The following ERC1 variants were observed in gnomAD, a reference collection of about 807,000 sequenced individuals.
ERC1 encodes ELKS/RAB6-interacting/CAST family member 1.
A neutral mutation model predicts 132.0 loss-of-function variants in ERC1; 56 were observed. That is an observed-to-expected ratio of 0.42 (90% confidence interval 0.34 to 0.53). The LOEUF is 0.53. Ranked by LOEUF, ERC1 falls within the 20% of genes least tolerant of loss-of-function variation. The probability of loss-of-function intolerance (pLI) is 0.03; values close to 1 mark genes in which losing one functional copy is unlikely to be tolerated. For missense variants in ERC1, 1,202 were observed against 1,349.9 expected (o/e 0.89, Z 1.72); for synonymous variants, 478 against 476.1 (o/e 1.00, Z -0.05).
intron 15 of ERC1, among the ~76,000 whole-genome samples, chr12:1,339,039 A>G (rs769576933): frequency 2.0e-5 from 3 of 152,258 alleles, no homozygotes; most frequent in Non-Finnish European, 4.4e-5. Flanking sequence ...TGCCAGCAAC[A>G]GCAGCAGCGC....
intron 15 of ERC1, among the ~76,000 whole-genome samples, chr12:1,308,006 A>G (rs775062361): frequency 2.0e-4 from 31 of 152,220 alleles, no homozygotes; most frequent in Non-Finnish European, 3.4e-4. Flanking sequence ...ACATCAGGAG[A>G]TAAACCTCAA....
intron 8 of ERC1, among the ~76,000 whole-genome samples, chr12:1,170,040 G>A (rs1295621028): frequency 6.6e-6 from 1 of 152,048 alleles, no homozygotes; most frequent in African/African-American, 2.4e-5. Context: ...AATTGTAGAT[G>A]TCCATTCTAA....
At chr12:1,325,954 A>G (rs1431585632) in intron 15 of ERC1, among the ~76,000 whole-genome samples, 1 of 152,194 alleles carries the variant, frequency 6.6e-6, no homozygotes, top group Non-Finnish European at 1.5e-5. Flanking sequence ...CTGAAGTCAG[A>G]TAAACCTTAC....
chr12:1,324,146 A>G (rs960382612), intron 15 of ERC1, among the ~76,000 whole-genome samples: 1 of 152,214 alleles, frequency 6.6e-6, no homozygotes, highest in East Asian at 1.9e-4. Flanking sequence ...ATAAATTACA[A>G]TGAGCAAGTG....
chr12:1,208,876 C>T (rs753603454), intron 12 of ERC1, among the ~76,000 whole-genome samples: 16 of 151,444 alleles, frequency 1.1e-4, no homozygotes, highest in Admixed American at 3.9e-4. Flanking sequence ...AAGCAACCTC[C>T]GCCTCTCGGG....
At chr12:1,317,102 A>C (rs1403870713) in intron 15 of ERC1, among the ~76,000 whole-genome samples, 3 of 151,534 alleles carry the variant, frequency 2.0e-5, no homozygotes, top group Admixed American at 1.3e-4. Context: ...CAGAGGTTGC[A>C]GTGAGCCGAG....
intron 15 of ERC1, among the ~76,000 whole-genome samples, chr12:1,354,078 A>G (rs2085293471): frequency 6.7e-6 from 1 of 150,094 alleles, no homozygotes; most frequent in South Asian, 2.1e-4. Context: ...CTCGTGTCTT[A>G]TCTTGGTGGT....
intron 15 of ERC1, among the ~76,000 whole-genome samples, chr12:1,328,640 G>GC (rs138146180): frequency 0.21 from 30,907 of 150,242 alleles, 4,863 homozygotes; most frequent in African/African-American, 0.44. Flanking sequence ...TCCCCCTCTT[G>GC]CCTTTTTCCT....
intron 17 of ERC1, among the ~76,000 whole-genome samples, chr12:1,424,423 C>A (rs1357677783): frequency 1.3e-5 from 2 of 152,146 alleles, no homozygotes; most frequent in African/African-American, 2.4e-5. Context: ...TCTCTGTATA[C>A]CAACACAAGT....
chr12:1,230,764 A>G (rs530311719), intron 12 of ERC1, among the ~76,000 whole-genome samples: 6 of 152,332 alleles, frequency 3.9e-5, no homozygotes, highest in Admixed American at 3.3e-4. Flanking sequence ...GGATGCATAT[A>G]TATTAATACA....
intron 3 of ERC1, among the ~76,000 whole-genome samples, chr12:1,096,925 T>A (rs1413886207): frequency 6.6e-6 from 1 of 152,234 alleles, no homozygotes; most frequent in African/African-American, 2.4e-5. Flanking sequence ...TGCCTTTGCT[T>A]ATTATACTTA....
chr12:1,271,144 AAAG>A (rs201445984), intron 14 of ERC1, among the ~76,000 whole-genome samples: 3,090 of 152,284 alleles, frequency 0.02, 58 homozygotes, highest in South Asian at 0.055. Flanking sequence ...GAGCAGAAAA[AAAG>A]AAGTATAAAA....
intron 18 of ERC1, among the ~76,000 whole-genome samples, chr12:1,471,642 C>CA (rs936326247): frequency 1.3e-5 from 1 of 78,410 alleles, no homozygotes; most frequent in African/African-American, 2.2e-4. Flanking sequence ...TTGCCACTGA[C>CA]CCAATTCATT....
At chr12:1,033,230 GT>G (rs1032489451) in intron 2 of ERC1, among the ~76,000 whole-genome samples, 2 of 151,974 alleles carry the variant, frequency 1.3e-5, no homozygotes, top group African/African-American at 2.4e-5. Context: ...TAGAGATGGA[GT>G]TTCACTGTGT....
chr12:1,272,876 C>T (rs2077965392), intron 14 of ERC1, among the ~76,000 whole-genome samples: 1 of 144,320 alleles, frequency 6.9e-6, no homozygotes, highest in African/African-American at 2.6e-5. Flanking sequence ...TGAACCCGGG[C>T]AGCAGAGGTT....
At chr12:1,202,666 A>G (rs1230252478) in intron 12 of ERC1, among the ~76,000 whole-genome samples, 1 of 152,186 alleles carries the variant, frequency 6.6e-6, no homozygotes, top group East Asian at 1.9e-4. Context: ...AAAAAGGAAA[A>G]AAAAAGAGTT....
rs143310171 is a variant in ERC1 at position 1,301,529 on chromosome 12, G to C, written c.2780+11517G>C. ...TGTCTTTTATAGGAACATGGATGGA[G>C]CTAGAGGTCATTATCCTTAGCAAAC... On this transcript the variant is annotated intron_variant, in intron 15 of 18. Coordinates refer to ENST00000360905, the MANE Select transcript of ERC1 (RefSeq NM_178040.4). 4.4e-3 allele frequency among the ~76,000 whole-genome samples: 677 copies of C among 152,262 alleles called. 6 individuals carry two copies. The highest frequency in any genetic ancestry group is 0.015 in the African/African-American group (629 of 41,548).
At chr12:1,315,560 A>G (rs956158197) in intron 15 of ERC1, among the ~76,000 whole-genome samples, 7 of 152,176 alleles carry the variant, frequency 4.6e-5, no homozygotes, top group African/African-American at 1.7e-4. Context: ...CATGTTGGCC[A>G]GGCTGGTCTC....
At chr12:1,028,617 A>G (rs768042325) in intron 2 of ERC1, 45 bp downstream of exon 2, 8 of 1,439,786 alleles carry the variant, frequency 5.6e-6, no homozygotes, top group Non-Finnish European at 5.7e-6. Flanking sequence ...ATTCATGTAT[A>G]TAAATGAAAT....
Sources: allele counts gnomAD v4.1 joint callset (sites outside exome capture counted in the v4.1 genomes callset), GRCh38; gene constraint gnomAD v4.1.1; transcripts MANE v1.5; gene names NCBI Gene and HGNC (gene_info 2026-07-23, HGNC 2026-07-21).